The following PPP2R5C variants were observed in gnomAD, a reference collection of about 807,000 sequenced individuals.
PPP2R5C encodes serine/threonine-protein phosphatase 2A 56 kDa regulatory subunit gamma isoform.
Under a neutral mutation model 68.9 loss-of-function variants are expected in PPP2R5C, and 7 were observed. The observed-to-expected ratio is 0.10, with a 90% CI of 0.06 to 0.19. The LOEUF (loss-of-function observed/expected upper bound fraction) is 0.19, where lower values mean the gene tolerates loss of function less well. Ranked by LOEUF, PPP2R5C falls within the 10% of genes least tolerant of loss-of-function variation. The probability of loss-of-function intolerance (pLI) is 1.00; values close to 1 mark genes in which losing one functional copy is unlikely to be tolerated. For synonymous variants in PPP2R5C, 210 were observed against 222.2 expected, an observed-to-expected ratio of 0.95 and a Z score of 0.49; for missense variants, 348 against 641.3, an observed-to-expected ratio of 0.54 and a Z score of 4.94.
At chr14:101,902,011 T>G in intron 9 of PPP2R5C, 122 bp downstream of exon 11, 1 of 1,070,336 alleles carries the variant, frequency 9.3e-7, no homozygotes, top group Non-Finnish European at 1.3e-6. Flanking sequence ...TCCAAGTTTT[T>G]ACTTGAATTA....
chr14:101,779,829 C>T (rs1371158926), intron 2 of PPP2R5C, among the ~76,000 whole-genome samples: 2 of 152,136 alleles, frequency 1.3e-5, no homozygotes, highest in Admixed American at 6.5e-5. Context: ...GTACCACCAA[C>T]ACTGAAAATA....
intron 1 of PPP2R5C, among the ~76,000 whole-genome samples, chr14:101,811,109 A>G (rs1054355522): frequency 6.6e-6 from 1 of 152,202 alleles, no homozygotes; most frequent in African/African-American, 2.4e-5. Context: ...AGGCACATGC[A>G]GACTCAATCT....
intron 2 of PPP2R5C, among the ~76,000 whole-genome samples, chr14:101,872,616 T>A (rs560666056): frequency 6.6e-6 from 1 of 152,294 alleles, no homozygotes; most frequent in Admixed American, 6.5e-5. Flanking sequence ...TCGCCTGTTG[T>A]CTTGCTTGCA....
chr14:101,885,421 G>A (rs113515538), intron 5 of PPP2R5C, among the ~76,000 whole-genome samples: 913 of 149,134 alleles, frequency 6.1e-3, no homozygotes, highest in African/African-American at 0.011. Context: ...GTGCCGGCTT[G>A]CACAGCCTGC....
At chr14:101,872,953 G>A (rs1241403783) in intron 2 of PPP2R5C, among the ~76,000 whole-genome samples, 2 of 150,968 alleles carry the variant, frequency 1.3e-5, no homozygotes, top group African/African-American at 2.4e-5. Flanking sequence ...GTAACATTTG[G>A]ATAGTTTCCT....
intron 2 of PPP2R5C, among the ~76,000 whole-genome samples, chr14:101,775,106 G>A (rs1340622819): frequency 1.3e-5 from 2 of 152,212 alleles, no homozygotes; most frequent in East Asian, 3.9e-4. Flanking sequence ...CCCTGGGCCT[G>A]TATCTGAAAC....
chr14:101,823,853 G>T (rs2040235577), intron 1 of PPP2R5C: 2 of 1,224,580 alleles, frequency 1.6e-6, no homozygotes, highest in Non-Finnish European at 2.1e-6. Context: ...TTTTTACAGT[G>T]GTGTAGAGTG....
intron 2 of PPP2R5C, among the ~76,000 whole-genome samples, chr14:101,876,802 ACAGT>A (rs1361464356): frequency 3.9e-5 from 6 of 152,222 alleles, no homozygotes; most frequent in Non-Finnish European, 8.8e-5. Context: ...TGGAGGTCAA[ACAGT>A]CAGAAACGTT....
At chr14:101,867,053 C>A (rs1480388526) in intron 2 of PPP2R5C, among the ~76,000 whole-genome samples, 1 of 152,062 alleles carries the variant, frequency 6.6e-6, no homozygotes, top group South Asian at 2.1e-4. Flanking sequence ...CCTGTCTCTA[C>A]TAAAATTACA....
At chr14:101,880,744 C>T (rs918205585) in intron 2 of PPP2R5C, among the ~76,000 whole-genome samples, 15 of 151,982 alleles carry the variant, frequency 9.9e-5, no homozygotes, top group Admixed American at 2.0e-4. Flanking sequence ...CTGCAGTGAG[C>T]GATGATGGCC....
At chr14:101,884,806 G>A (rs558613931) in intron 5 of PPP2R5C, among the ~76,000 whole-genome samples, 7 of 152,368 alleles carry the variant, frequency 4.6e-5, no homozygotes, top group Admixed American at 2.0e-4. Flanking sequence ...CTGACTTGGC[G>A]GTGGGTCTGG....
rs757408693 is a variant in PPP2R5C, at chr14:101,901,711, T to G, written c.853-8T>G. 5.0e-6 allele frequency: 8 copies of G among 1,612,704 alleles called. No homozygotes were observed. In the East Asian group the frequency reaches 1.6e-4, roughly 31 times the overall value. On this transcript the variant is annotated splice_polypyrimidine_tract_variant and splice_region_variant and intron_variant, in intron 8 of 13. Coordinates refer to ENST00000334743, the Ensembl canonical transcript of PPP2R5C. ...CATCAGTCACTCCACGTGTCATTTC[T>G]TTTGTAGGTGGTGATGGCACTTCTC...
At chr14:101,866,938 C>T (rs557778671) in intron 2 of PPP2R5C, among the ~76,000 whole-genome samples, 38 of 151,654 alleles carry the variant, frequency 2.5e-4, no homozygotes, top group Non-Finnish European at 4.6e-4. Flanking sequence ...TTTTTTAGGC[C>T]GGGCACGGTG....
At chr14:101,776,139 G>A (rs930757792) in intron 2 of PPP2R5C, among the ~76,000 whole-genome samples, 4 of 146,234 alleles carry the variant, frequency 2.7e-5, no homozygotes, top group African/African-American at 1.0e-4. Context: ...TGGGACCACC[G>A]ACTTTCAGTG....
upstream of PPP2R5C, chr14:101,760,712 C>A (rs1426556493): frequency 3.2e-5 from 29 of 908,310 alleles, no homozygotes; most frequent in Admixed American, 1.4e-3. Context: ...GGAGGAGCTG[C>A]GGAAAGCTGA....
At chr14:101,894,791 T>C (rs573442303) in intron 8 of PPP2R5C, among the ~76,000 whole-genome samples, 40 of 152,334 alleles carry the variant, frequency 2.6e-4, no homozygotes, top group Non-Finnish European at 4.9e-4. Context: ...TGCCACCTTG[T>C]CCCTCGTTGC....
intron 2 of PPP2R5C, among the ~76,000 whole-genome samples, chr14:101,777,005 C>G (rs569295301): frequency 3.3e-5 from 5 of 151,388 alleles, no homozygotes; most frequent in Non-Finnish European, 5.9e-5. Context: ...CTCAGCCTCC[C>G]GAGTAGCTGG....
In PPP2R5C at chr14:101,920,152, T is replaced by C. The variant is rs139631355; in HGVS notation, c.1443+2205T>C. On this transcript the variant is annotated intron_variant, in intron 13 of 13. Coordinates refer to ENST00000334743, the Ensembl canonical transcript of PPP2R5C. ...TATTTGCAATTTAGGTCCTGCTCTG[T>C]AGTAGATCAAGAACTTGATCAAGAA... Among the ~76,000 whole-genome samples, 201 of 152,326 alleles carry C rather than the reference T, an allele frequency of 1.3e-3. 2 individuals carry two copies. The highest frequency in any genetic ancestry group is 4.5e-3 in the African/African-American group (189 of 41,562).
At position 101,788,266 on chromosome 14, in the gene PPP2R5C, G is replaced by A. The variant is rs765527629; in HGVS notation, c.259+2083G>A. On this transcript the variant is annotated intron_variant, in intron 3 of 14. Transcript: ENST00000328724. ...GCCCCGCCTCAGCCAGTGCATGCTGGGTGTGTACTGCTGCTGAATTTGGTC... is the reference window on the plus strand; with the variant it reads ...GCCCCGCCTCAGCCAGTGCATGCTGAGTGTGTACTGCTGCTGAATTTGGTC... Among the ~76,000 whole-genome samples, 6 of 152,222 alleles carry A rather than the reference G, an allele frequency of 3.9e-5. No individual in the cohort carries two copies. The South Asian group carries it at 1.0e-3, about 26-fold the overall frequency.
Sources: allele counts gnomAD v4.1 joint callset (sites outside exome capture counted in the v4.1 genomes callset), GRCh38; gene constraint gnomAD v4.1.1; transcripts MANE v1.5; gene names NCBI Gene and HGNC (gene_info 2026-07-23, HGNC 2026-07-21).